Variants in SH2B3 observed in about 807,000 individuals in gnomAD.
SH2B3 encodes the protein SH2B adapter protein 3.
Under a neutral mutation model 51.9 loss-of-function variants are expected in SH2B3, and 43 were observed. That is an observed-to-expected ratio of 0.83 (90% CI 0.65 to 1.07). SH2B3 has a LOEUF of 1.07. Among genes scored for constraint, SH2B3 ranks in the 50% least tolerant of loss-of-function variants. The probability of loss-of-function intolerance (pLI) is 0.00; values close to 1 mark genes in which losing one functional copy is unlikely to be tolerated. For missense variants in SH2B3, 952 were observed against 834.3 expected, an observed-to-expected ratio of 1.14 and a Z score of -1.74; for synonymous variants, 396 against 376.0, an observed-to-expected ratio of 1.05 and a Z score of -0.62.
chr12:111,418,829 G>A lies in SH2B3; in HGVS notation c.684G>A (p.Pro228=). 2 of 1,422,982 alleles carry A rather than the reference G, an allele frequency of 1.4e-6. No individual in the cohort carries two copies. The highest frequency in any genetic ancestry group is 3.4e-5 in the Admixed American group (1 of 29,794). The allele number at this position is 1,422,982 out of a possible 1,614,324, so 88.1% of individuals were successfully genotyped here. The stretch of plus-strand genomic sequence containing the variant: ...GGAGGCTGGCGCTGCGCCGGGCCCC[G>A]GGCCCCGATGGCCCCGACCGCGTGC... ...QRGRLALRRA[P]GPDGPDRVLE... Residue 228 remains proline, a synonymous_variant, in exon 2 of 8, where the codon CCG becomes CCA. Coordinates refer to ENST00000341259, the MANE Select transcript of SH2B3 (RefSeq NM_005475.3). The surrounding 1 kb of genome is among the most constrained non-coding windows in gnomAD (Gnocchi z 6.7).
intron 2 of SH2B3, among the ~76,000 whole-genome samples, chr12:111,430,867 C>G (rs1593054662): frequency 6.6e-6 from 1 of 152,324 alleles, no homozygotes; most frequent in Non-Finnish European, 1.5e-5. Context: ...GGTGGGTCCC[C>G]AGGGTCCCTC....
At chr12:111,422,979 G>A (rs987826531) in intron 2 of SH2B3, among the ~76,000 whole-genome samples, 3 of 151,990 alleles carry the variant, frequency 2.0e-5, no homozygotes, top group Non-Finnish European at 2.9e-5. Flanking sequence ...TTACAGGTGC[G>A]AGCCACCACG....
chr12:111,445,627 G>A lies in SH2B3; in HGVS notation c.733-1126G>A, dbSNP rs1361211105. On this transcript the variant is annotated intron_variant, in intron 2 of 7. Coordinates refer to ENST00000341259, the MANE Select transcript of SH2B3 (RefSeq NM_005475.3). ...TCATTACTCTCCCCCAGCCTGTTGT[G>A]TCCGCCAACCAGAGCAGGCCCGGGA... Among the ~76,000 whole-genome samples the A allele has an allele frequency of 2.0e-5, 3 of 152,258 alleles. No individual in the cohort carries two copies. In the East Asian group the frequency reaches 5.8e-4, roughly 29 times the overall value.
Position 111,447,382 on chromosome 12 carries a change from C to T in SH2B3, c.1074C>T (p.Phe358=), listed in dbSNP as rs952899809. 12 of 1,614,012 alleles carry T rather than the reference C, an allele frequency of 7.4e-6. No individual in the cohort carries two copies. In the East Asian group the frequency reaches 1.3e-4, roughly 18 times the overall value. Residue 358 remains phenylalanine (F), a synonymous_variant, in exon 6 of 8, where the codon TTC becomes TTT. Transcript: ENST00000341259. The part of the protein sequence containing the change: ...LDPACQKTDH[F]LSCYPWFHGP... ...CGGCCTGCCAGAAGACGGACCATTT[C>T]CTGTCCTGCTACCCCTGGTTCCACG...
chr12:111,432,959 A>G (rs1201153348), intron 2 of SH2B3, among the ~76,000 whole-genome samples: 3 of 152,254 alleles, frequency 2.0e-5, no homozygotes, highest in South Asian at 4.1e-4. Flanking sequence ...TAATGCTGCT[A>G]TGAACATTCG....
intron 1 of SH2B3, among the ~76,000 whole-genome samples, chr12:111,411,314 A>C (rs1339454824): frequency 6.6e-6 from 1 of 151,078 alleles, no homozygotes. Flanking sequence ...TGATCATGCC[A>C]CTACACTCCA....
In SH2B3 at chr12:111,417,874, A is replaced by G. The variant is rs11831659; in HGVS notation, c.-27-245A>G. 0.1 allele frequency among the ~76,000 whole-genome samples: 15,552 copies of G among 152,090 alleles called. 2,665 individuals are homozygous for G. The highest frequency in any genetic ancestry group is 0.35 in the African/African-American group (14,631 of 41,422). Reference sequence around the variant, plus strand: ...CAAATACTCTCTCTGCATCTATCGAAATGATCATATGGTTTTTGTACTTCA... The same window carrying G: ...CAAATACTCTCTCTGCATCTATCGAGATGATCATATGGTTTTTGTACTTCA... On this transcript the variant is annotated intron_variant, in intron 1 of 7. Coordinates refer to ENST00000341259, the MANE Select transcript of SH2B3 (RefSeq NM_005475.3).
chr12:111,421,401 CTTTTTTT>C (rs550860498), intron 2 of SH2B3, among the ~76,000 whole-genome samples: 1 of 90,618 alleles, frequency 1.1e-5, no homozygotes, highest in Non-Finnish European at 2.1e-5. Context: ...TAGTGTCTTC[CTTTTTTT>C]TTTTTTTTTT....
intron 2 of SH2B3, among the ~76,000 whole-genome samples, chr12:111,431,485 T>A (rs1872489500): frequency 6.6e-6 from 1 of 151,894 alleles, no homozygotes; most frequent in African/African-American, 2.4e-5. Flanking sequence ...CAGAAACTAT[T>A]TAAAGAAAAA....
rs1376167995 is a variant in SH2B3 at position 111,407,468 on chromosome 12, C to T, written c.-28+1191C>T. Among the ~76,000 whole-genome samples, 2 of 152,204 alleles carry T rather than the reference C, an allele frequency of 1.3e-5. No homozygotes were observed. Among genetic ancestry groups the T allele is most frequent in the African/African-American group, 4.8e-5 (2 of 41,450 alleles). ...CTGTGGGTCTCCAGGGATGCAGGCGCAGGTTGTGTCTGGGTTTCCCATCAC... is the reference window on the plus strand; with the variant it reads ...CTGTGGGTCTCCAGGGATGCAGGCGTAGGTTGTGTCTGGGTTTCCCATCAC... On this transcript the variant is annotated intron_variant, in intron 1 of 7. Transcript: ENST00000341259. This position sits in a 1 kb window ranked among gnomAD's most constrained non-coding sequence, Gnocchi z 4.3.
chr12:111,414,972 GT>G, intron 1 of SH2B3, among the ~76,000 whole-genome samples: 1 of 152,340 alleles, frequency 6.6e-6, no homozygotes, highest in South Asian at 2.1e-4. Context: ...GTCCCCCTTT[GT>G]AATGTGAGCC....
At chr12:111,443,944 A>G (rs963531909) in intron 2 of SH2B3, 5 of 152,294 alleles carry the variant, frequency 3.3e-5, no homozygotes, top group African/African-American at 7.2e-5. Context: ...AAATCCCAGC[A>G]CTTTGGGAGG....
chr12:111,446,656 A>T, intron 2 of SH2B3, 97 bp from the exon 3 acceptor site: 1 of 676,698 alleles, frequency 1.5e-6, no homozygotes, highest in Admixed American at 3.0e-5. Flanking sequence ...ACTCTCTCTA[A>T]AAGGGGGACT....
In SH2B3 at chr12:111,410,430, C is replaced by A. The variant is rs2135533546; in HGVS notation, c.-28+4153C>A. Among the ~76,000 whole-genome samples, 1 of 152,298 alleles carries A rather than the reference C, an allele frequency of 6.6e-6. No homozygotes were observed. The highest frequency in any genetic ancestry group is 1.9e-4 in the East Asian group (1 of 5,176). On this transcript the variant is annotated intron_variant, in intron 1 of 7. Coordinates refer to ENST00000341259, the MANE Select transcript of SH2B3 (RefSeq NM_005475.3). This position sits in a 1 kb window ranked among gnomAD's most constrained non-coding sequence, Gnocchi z 4.9. Reference sequence around the variant, plus strand: ...AGGGTCTCCCCTGTCTGCCCTCAACCCAGAGGCAGTGAAAGGAAGAAGCCA... The same window carrying A: ...AGGGTCTCCCCTGTCTGCCCTCAACACAGAGGCAGTGAAAGGAAGAAGCCA...
intron 1 of SH2B3, among the ~76,000 whole-genome samples, chr12:111,412,243 A>G (rs527485785): frequency 5.3e-5 from 8 of 152,338 alleles, no homozygotes; most frequent in Admixed American, 2.0e-4. Flanking sequence ...GGCCAGGGTC[A>G]GGGAGGGATC....
In SH2B3 at chr12:111,438,095, G is replaced by A. The variant is rs1379464571; in HGVS notation, c.733-8658G>A. ...CAGTGGTCAGAGAAGGCTCCCTGGA[G>A]GAGAGGAGGTTTTCTCTGCTGGGAC... On this transcript the variant is annotated intron_variant, in intron 2 of 7. Coordinates refer to ENST00000341259, the MANE Select transcript of SH2B3 (RefSeq NM_005475.3). The surrounding 1 kb of genome is among the most constrained non-coding windows in gnomAD (Gnocchi z 4.2). Among the ~76,000 whole-genome samples, 1 of 152,248 alleles carries A rather than the reference G, an allele frequency of 6.6e-6. No individual in the cohort carries two copies. Among genetic ancestry groups the A allele is most frequent in the Non-Finnish European group, 1.5e-5 (1 of 68,048 alleles).
rs796261214 is a variant in SH2B3, at chr12:111,410,500, C to T, written c.-28+4223C>T. ...GTGCGGGATTCTGATGGTGCTGCCTCTCCGCAGGGAGATGGTTCTTGGCTT... is the reference window on the plus strand; with the variant it reads ...GTGCGGGATTCTGATGGTGCTGCCTTTCCGCAGGGAGATGGTTCTTGGCTT... On this transcript the variant is annotated intron_variant, in intron 1 of 7. Coordinates refer to ENST00000341259, the MANE Select transcript of SH2B3 (RefSeq NM_005475.3). The surrounding 1 kb of genome is among the most constrained non-coding windows in gnomAD (Gnocchi z 4.9). Among the ~76,000 whole-genome samples the T allele has an allele frequency of 5.9e-5, 9 of 152,248 alleles. No homozygotes were observed. Among genetic ancestry groups the T allele is most frequent in the African/African-American group, 2.2e-4 (9 of 41,536 alleles).
intron 2 of SH2B3, among the ~76,000 whole-genome samples, chr12:111,421,067 C>T (rs1871512599): frequency 6.6e-6 from 1 of 152,210 alleles, no homozygotes; most frequent in South Asian, 2.1e-4. Flanking sequence ...CATACCACCT[C>T]TTATCACCAC....
At chr12:111,420,664 T>C (rs1745814330) in intron 2 of SH2B3, among the ~76,000 whole-genome samples, 1 of 152,162 alleles carries the variant, frequency 6.6e-6, no homozygotes, top group Non-Finnish European at 1.5e-5. Context: ...GACAGATATT[T>C]ATGGAGCACC....
Sources: allele counts gnomAD v4.1 joint callset (sites outside exome capture counted in the v4.1 genomes callset), GRCh38; gene constraint gnomAD v4.1.1; non-coding constraint Gnocchi (gnomAD v3.1); transcripts MANE v1.5; gene names NCBI Gene and HGNC (gene_info 2026-07-23, HGNC 2026-07-21).